IL1RAPL1: variants seen among roughly 807,000 people sequenced by gnomAD.
IL1RAPL1 encodes the protein interleukin 1 receptor accessory protein like 1, also known as interleukin-1 receptor accessory protein-like 1.
In IL1RAPL1, 3 loss-of-function variants were observed where a neutral mutation model predicts 48.4. The observed-to-expected ratio is 0.06, with a 90% confidence interval of 0.03 to 0.16. The LOEUF (loss-of-function observed/expected upper bound fraction) is 0.16. Ranked by LOEUF, IL1RAPL1 falls within the 10% of genes least tolerant of loss-of-function variation. The pLI, the probability that IL1RAPL1 is intolerant of heterozygous loss-of-function variation, is 1.00. For missense variants in IL1RAPL1, 349 were observed against 530.6 expected (o/e 0.66, Z 3.36); for synonymous variants, 185 against 187.7 (o/e 0.99, Z 0.12).
intron 2 of IL1RAPL1, among the ~76,000 whole-genome samples, chrX:28,826,455 G>T (rs1292629883): frequency 9.0e-6 from 1 of 111,238 alleles, no homozygotes; most frequent in Non-Finnish European, 1.9e-5. Context: ...GTACAATAAT[G>T]TACAATGTTT....
At chrX:29,577,221 G>A (rs1031345592) in intron 5 of IL1RAPL1, among the ~76,000 whole-genome samples, 1 of 111,660 alleles carries the variant, frequency 9.0e-6, no homozygotes, top group Non-Finnish European at 1.9e-5. Flanking sequence ...TGCATTTTCA[G>A]TAGTGTTTTT....
chrX:29,571,263 T>C (rs149130761), intron 5 of IL1RAPL1, among the ~76,000 whole-genome samples: 1,131 of 111,292 alleles, frequency 0.01, 10 homozygotes, highest in Middle Eastern at 0.046. Context: ...AACAGAGTTC[T>C]TTCTTCAGTG....
chrX:28,681,863 T>C (rs1173693769), intron 1 of IL1RAPL1, among the ~76,000 whole-genome samples: 2 of 111,981 alleles, frequency 1.8e-5, no homozygotes, highest in Non-Finnish European at 3.8e-5. Flanking sequence ...AATACATTTG[T>C]AGTGTTGTGC....
chrX:29,782,190 A>C (rs1929362204), intron 6 of IL1RAPL1, among the ~76,000 whole-genome samples: 2 of 110,039 alleles, frequency 1.8e-5, no homozygotes, highest in African/African-American at 3.3e-5. Flanking sequence ...GAGGAGAGAG[A>C]GAGAGGCGGA....
intron 2 of IL1RAPL1, among the ~76,000 whole-genome samples, chrX:29,141,622 G>A (rs987691363): frequency 3.6e-5 from 4 of 111,607 alleles, no homozygotes; most frequent in Non-Finnish European, 5.7e-5. Flanking sequence ...TCTACATAAT[G>A]CTTTATTAAT....
intron 6 of IL1RAPL1, among the ~76,000 whole-genome samples, chrX:29,680,008 T>A (rs1926402557): frequency 8.9e-6 from 1 of 112,180 alleles, no homozygotes; most frequent in African/African-American, 3.2e-5. Context: ...CCAGAAATTT[T>A]ATTTTTGTCT....
At chrX:29,080,617 T>A (rs1170050753) in intron 2 of IL1RAPL1, among the ~76,000 whole-genome samples, 2 of 109,123 alleles carry the variant, frequency 1.8e-5, no homozygotes, top group Admixed American at 9.8e-5. Flanking sequence ...TTCTTAACCA[T>A]ATTTTTCACT....
intron 2 of IL1RAPL1, among the ~76,000 whole-genome samples, chrX:29,204,465 A>G (rs1032324577): frequency 9.0e-6 from 1 of 111,190 alleles, no homozygotes; most frequent in Non-Finnish European, 1.9e-5. Flanking sequence ...TTCCCTGATA[A>G]TTAGTGATGC....
intron 1 of IL1RAPL1, among the ~76,000 whole-genome samples, chrX:28,787,035 A>G (rs1349560724): frequency 3.6e-5 from 4 of 112,228 alleles, no homozygotes; most frequent in African/African-American, 1.3e-4. Flanking sequence ...GTGAAATTCT[A>G]TGGATTTCTT....
At chrX:28,859,790 TTAC>T (rs1921895788) in intron 2 of IL1RAPL1, among the ~76,000 whole-genome samples, 1 of 108,773 alleles carries the variant, frequency 9.2e-6, no homozygotes, top group Non-Finnish European at 1.9e-5. Context: ...ATAATATTTA[TTAC>T]TATTATTGTA....
At chrX:29,384,015 T>C (rs1266144880) in intron 3 of IL1RAPL1, among the ~76,000 whole-genome samples, 1 of 112,287 alleles carries the variant, frequency 8.9e-6, no homozygotes, top group African/African-American at 3.2e-5. Context: ...TGTACAACTA[T>C]ATAATTTGTT....
At chrX:29,165,552 G>C (rs1412736357) in intron 2 of IL1RAPL1, among the ~76,000 whole-genome samples, 1 of 111,100 alleles carries the variant, frequency 9.0e-6, no homozygotes, top group Non-Finnish European at 1.9e-5. Flanking sequence ...GATATGAGCA[G>C]AGCCTTGGAG....
chrX:28,932,763 AAT>A (rs1173225531), intron 2 of IL1RAPL1, among the ~76,000 whole-genome samples: 3 of 110,393 alleles, frequency 2.7e-5, no homozygotes, highest in African/African-American at 9.9e-5. Flanking sequence ...AGAAAAAAAA[AAT>A]CACTAAAAAA....
intron 5 of IL1RAPL1, among the ~76,000 whole-genome samples, chrX:29,666,046 C>T (rs1420809411): frequency 9.0e-6 from 1 of 111,031 alleles, no homozygotes; most frequent in Non-Finnish European, 1.9e-5. Context: ...TTTTGTACCT[C>T]AGATCCTTGA....
At chrX:29,061,701 C>T (rs370533333) in intron 2 of IL1RAPL1, among the ~76,000 whole-genome samples, 6 of 112,268 alleles carry the variant, frequency 5.3e-5, no homozygotes, top group Non-Finnish European at 1.1e-4. Context: ...TCAGGTCATC[C>T]GCCCACCTCG....
chrX:29,197,836 G>A (rs186879832), intron 2 of IL1RAPL1, among the ~76,000 whole-genome samples: 79 of 108,693 alleles, frequency 7.3e-4, no homozygotes, highest in Non-Finnish European at 1.3e-3. Flanking sequence ...AGCCTCCCGA[G>A]TAGCTGGGAA....
chrX:29,861,318 A>G (rs1931578253), intron 6 of IL1RAPL1, among the ~76,000 whole-genome samples: 1 of 111,321 alleles, frequency 9.0e-6, no homozygotes, highest in Non-Finnish European at 1.9e-5. Flanking sequence ...CCTGAGCTCT[A>G]CCCCCAGAGA....
At chrX:29,938,931 G>GCAATAAA (rs1933079523) in intron 8 of IL1RAPL1, among the ~76,000 whole-genome samples, 2 of 112,195 alleles carry the variant, frequency 1.8e-5, no homozygotes, top group African/African-American at 6.5e-5. Flanking sequence ...TTTTATTGCT[G>GCAATAAA]AGTATATTCT....
At position 29,229,520 on chromosome X, in the gene IL1RAPL1, T is replaced by C. The variant is rs754139717; in HGVS notation, c.83-53418T>C. 3.6e-5 allele frequency among the ~76,000 whole-genome samples: 4 copies of C among 112,267 alleles called. No homozygotes were observed. In the South Asian group the frequency reaches 1.1e-3, roughly 31 times the overall value. Reference sequence around the variant, plus strand: ...TCTACCACTAAAGTTGCTATACCACTTTATGGAAAGAAGAAAAGCAACTTT... The same window carrying C: ...TCTACCACTAAAGTTGCTATACCACCTTATGGAAAGAAGAAAAGCAACTTT... On this transcript the variant is annotated intron_variant, in intron 2 of 10. Transcript: ENST00000378993.
Sources: gnomAD v4.1 joint callset for allele counts (sites outside exome capture counted in the v4.1 genomes callset) on GRCh38, gnomAD v4.1.1 for gene constraint, MANE v1.5 for transcripts, NCBI Gene and HGNC (gene_info 2026-07-23, HGNC 2026-07-21) for gene names.